The following ZSWIM5 variants were observed in gnomAD, a reference collection of about 807,000 sequenced individuals.
ZSWIM5 encodes the protein zinc finger SWIM domain-containing protein 5.
A neutral mutation model predicts 119.6 loss-of-function variants in ZSWIM5; 55 were observed. That is an observed-to-expected ratio of 0.46 (90% CI 0.37 to 0.58). The LOEUF (loss-of-function observed/expected upper bound fraction) is 0.58. ZSWIM5 is among the 20% of genes least tolerant of loss of function. ZSWIM5 has a pLI of 0.00. For missense variants in ZSWIM5, 1,193 were observed against 1,512.8 expected, an observed-to-expected ratio of 0.79 and a Z score of 3.51; for synonymous variants, 537 against 606.9, an observed-to-expected ratio of 0.88 and a Z score of 1.69.
In ZSWIM5 at chr1:45,039,191, T is replaced by G; in HGVS notation, c.1757-118A>C. On this transcript the variant is annotated intron_variant, in intron 7 of 13. Coordinates refer to ENST00000359600, the MANE Select transcript of ZSWIM5 (RefSeq NM_020883.2). ...ACCCTGAGAGTCAAATAAAAGCTTCTCTATTGTCTTGCCTTGGGTTGATAC... is the reference window on the plus strand; with the variant it reads ...ACCCTGAGAGTCAAATAAAAGCTTCGCTATTGTCTTGCCTTGGGTTGATAC... 4.8e-6 allele frequency: 6 copies of G among 1,260,912 alleles called. No homozygotes were observed. In the South Asian group the frequency reaches 8.4e-5, roughly 18 times the overall value. 78.1% of individuals were successfully genotyped at this position (1,260,912 alleles called of 1,614,324 possible).
rs183243995 is a variant in ZSWIM5, at chr1:45,094,593, C to T, written c.596-6356G>A. 6.3e-3 allele frequency among the ~76,000 whole-genome samples: 950 copies of T among 151,814 alleles called. 19 individuals are homozygous for T. Among genetic ancestry groups the T allele is most frequent in the African/African-American group, 0.022 (913 of 41,398 alleles). ...AGTACAGAGACAGGGCCAGGCTTGG[C>T]GGCTCATGCCTGTAATCCCAGCACT... On this transcript the variant is annotated intron_variant, in intron 1 of 13. Transcript: ENST00000359600.
chr1:45,114,971 T>C (rs190017691), intron 1 of ZSWIM5, among the ~76,000 whole-genome samples: 1 of 152,340 alleles, frequency 6.6e-6, no homozygotes, highest in African/African-American at 2.4e-5. Context: ...GGTAAGGTCA[T>C]AGATCAACAG....
At chr1:45,020,240 G>C in intron 12 of ZSWIM5, 93 bp from the exon 13 acceptor site, 1 of 1,069,110 alleles carries the variant, frequency 9.4e-7, no homozygotes, top group East Asian at 2.4e-5. Flanking sequence ...ATATTTTCTG[G>C]TGCTTTAAAC....
intron 11 of ZSWIM5, among the ~76,000 whole-genome samples, chr1:45,031,259 C>T (rs1180626196): frequency 2.1e-5 from 3 of 144,142 alleles, no homozygotes; most frequent in East Asian, 2.1e-4. Flanking sequence ...TGACTGCAGC[C>T]TCCACCTCCT....
intron 1 of ZSWIM5, among the ~76,000 whole-genome samples, chr1:45,103,304 G>A (rs1645451274): frequency 6.6e-6 from 1 of 152,166 alleles, no homozygotes; most frequent in African/African-American, 2.4e-5. Context: ...AGTATTCTAA[G>A]TGCTTCCCAT....
rs760696934 is a variant in ZSWIM5, at chr1:45,018,920, T to C, written c.3092A>G (p.Tyr1031Cys). 16 of 1,614,082 alleles carry C rather than the reference T, an allele frequency of 9.9e-6. No individual in the cohort carries two copies. Among genetic ancestry groups the C allele is most frequent in the Non-Finnish European group, 1.4e-5 (16 of 1,180,040 alleles). ...SLAMSHLNLA[Y>C]NQDTHPAIND... ...GATGGCTGGGTGAGTATCCTGGTTG[T>C]AGGCCAGGTTAAGATGGCTCATGGC... The change falls in exon 14 of 14, where the codon TAC becomes TGC. Residue 1031 changes from tyrosine to cysteine, a missense_variant. Physicochemically the swap from Tyr to Cys is radical, Grantham distance 194. Coordinates refer to ENST00000359600, the MANE Select transcript of ZSWIM5 (RefSeq NM_020883.2). This position sits in a 1 kb window ranked among gnomAD's most constrained non-coding sequence, Gnocchi z 6.7.
intron 1 of ZSWIM5, among the ~76,000 whole-genome samples, chr1:45,139,694 A>ATTT (rs774168631): frequency 8.6e-4 from 58 of 67,302 alleles, no homozygotes; most frequent in Non-Finnish European, 1.1e-3. Flanking sequence ...GCTTTCTTCG[A>ATTT]TTTTTTTTTT....
chr1:45,055,153 G>A lies in ZSWIM5; in HGVS notation c.1252+3456C>T, dbSNP rs530880306. Among the ~76,000 whole-genome samples, 6 of 152,272 alleles carry A rather than the reference G, an allele frequency of 3.9e-5. No homozygotes were observed. The East Asian group carries it at 9.6e-4, about 24-fold the overall frequency. ...CTACAGGCGCCCACCACCATGCCTG[G>A]CTAATTTTTTGTATTTTTAGTAGAG... On this transcript the variant is annotated intron_variant, in intron 4 of 13. Coordinates refer to ENST00000359600, the MANE Select transcript of ZSWIM5 (RefSeq NM_020883.2).
At chr1:45,192,562 T>C (rs1010500980) in intron 1 of ZSWIM5, among the ~76,000 whole-genome samples, 10 of 152,236 alleles carry the variant, frequency 6.6e-5, no homozygotes, top group African/African-American at 9.6e-5. Flanking sequence ...CATCTGTCGA[T>C]GGACACTTGG....
chr1:45,120,914 G>C (rs1240125075), intron 1 of ZSWIM5, among the ~76,000 whole-genome samples: 1 of 151,832 alleles, frequency 6.6e-6, no homozygotes, highest in Non-Finnish European at 1.5e-5. Context: ...CCTAGTTAAG[G>C]GTAATTCTTC....
chr1:45,024,658 A>AT (rs1171833027), intron 11 of ZSWIM5, among the ~76,000 whole-genome samples: 1 of 148,006 alleles, frequency 6.8e-6, no homozygotes, highest in African/African-American at 2.5e-5. Flanking sequence ...ATTATTATTT[A>AT]TTTATTTATT....
intron 4 of ZSWIM5, among the ~76,000 whole-genome samples, chr1:45,055,416 G>A (rs1013137616): frequency 1.3e-5 from 2 of 152,248 alleles, no homozygotes; most frequent in East Asian, 3.9e-4. Context: ...GTGAGAAACC[G>A]TGCCTGGCCA....
intron 1 of ZSWIM5, among the ~76,000 whole-genome samples, chr1:45,199,528 T>C (rs1038297989): frequency 6.6e-6 from 1 of 152,130 alleles, no homozygotes; most frequent in Admixed American, 6.6e-5. Flanking sequence ...CTTGATCTCC[T>C]GACCTCATGA....
At chr1:45,153,147 GA>G (rs1178197465) in intron 1 of ZSWIM5, among the ~76,000 whole-genome samples, 98 of 140,794 alleles carry the variant, frequency 7.0e-4, no homozygotes, top group African/African-American at 2.2e-3. Context: ...AGACTGCAGA[GA>G]AAAAAAAAAC....
intron 11 of ZSWIM5, among the ~76,000 whole-genome samples, chr1:45,029,732 G>A (rs544291471): frequency 6.6e-6 from 1 of 152,106 alleles, no homozygotes; most frequent in African/African-American, 2.4e-5. Context: ...CACTTAGCAT[G>A]TTCTCAAGGT....
At chr1:45,115,224 G>A (rs1221304033) in intron 1 of ZSWIM5, among the ~76,000 whole-genome samples, 1 of 146,828 alleles carries the variant, frequency 6.8e-6, no homozygotes, top group Non-Finnish European at 1.5e-5. Context: ...GGGCAGCCAG[G>A]CAGAGGTGCC....
At chr1:45,028,055 T>TG (rs1644930731) in intron 11 of ZSWIM5, among the ~76,000 whole-genome samples, 1 of 152,148 alleles carries the variant, frequency 6.6e-6, no homozygotes, top group Non-Finnish European at 1.5e-5. Context: ...TTTGCCATGT[T>TG]GGCCAGGCTG....
At chr1:45,031,175 T>TG (rs1405904983) in intron 11 of ZSWIM5, among the ~76,000 whole-genome samples, 1 of 139,624 alleles carries the variant, frequency 7.2e-6, no homozygotes, top group African/African-American at 2.6e-5. Context: ...TCTGATTTTT[T>TG]TTTTTTTTTT....
chr1:45,044,723 CAAAAAAA>C (rs869224710), intron 5 of ZSWIM5, among the ~76,000 whole-genome samples: 1,283 of 4,396 alleles, frequency 0.29, 314 homozygotes, highest in Admixed American at 0.41. Context: ...GACTCCGTCT[CAAAAAAA>C]AAAAAAAAAA....
Sources: allele counts gnomAD v4.1 joint callset (sites outside exome capture counted in the v4.1 genomes callset), GRCh38; gene constraint gnomAD v4.1.1; non-coding constraint Gnocchi (gnomAD v3.1); transcripts MANE v1.5; gene names NCBI Gene and HGNC (gene_info 2026-07-23, HGNC 2026-07-21).